KRABD4: variants seen among roughly 807,000 people sequenced by gnomAD.
The protein encoded by KRABD4 is KRAB domain-containing protein 4.
chrX:46,449,984 T>C, the KRABD4 span, among the ~76,000 whole-genome samples: 4 of 111,309 alleles, frequency 3.6e-5, no homozygotes, highest in Admixed American at 2.9e-4. Flanking sequence ...CTCGAACTCC[T>C]GGGCTCCAGT....
At chrX:46,474,445 G>C in the KRABD4 span, 5 of 111,128 alleles carry the variant, frequency 4.5e-5, no homozygotes, top group African/African-American at 1.3e-4. Context: ...CATCCGCTAG[G>C]GATCTTGGAA....
the KRABD4 span, chrX:46,462,433 C>T: frequency 8.0e-6 from 2 of 249,850 alleles, no homozygotes; most frequent in Non-Finnish European, 1.5e-5. Context: ...TCGCTTGAAC[C>T]CGGGAGGCAG....
At chrX:46,447,495 G>T in the KRABD4 span, 40,624 of 109,947 alleles carry the variant, frequency 0.37, 6,497 homozygotes, top group Non-Finnish European at 0.5. Context: ...CCACTTCCCC[G>T]CCTGAGACAG....
At chrX:46,462,712 G>C in the KRABD4 span, 1 of 1,210,888 alleles carries the variant, frequency 8.3e-7, no homozygotes, top group South Asian at 1.8e-5. Context: ...GCCCCAGGCT[G>C]GTCCTGGGGT....
chrX:46,447,525 C>T, the KRABD4 span, among the ~76,000 whole-genome samples: 1 of 111,289 alleles, frequency 9.0e-6, no homozygotes, highest in African/African-American at 3.3e-5. Flanking sequence ...TCTCAGGACC[C>T]TCTGAGCCAG....
chrX:46,461,478 C>T, the KRABD4 span, among the ~76,000 whole-genome samples: 3 of 111,714 alleles, frequency 2.7e-5, no homozygotes, highest in Non-Finnish European at 3.8e-5. Context: ...CCCTCTGGCA[C>T]GCTGGCTTTC....
the KRABD4 span, among the ~76,000 whole-genome samples, chrX:46,461,440 T>G: frequency 3.7e-3 from 411 of 111,566 alleles, 4 homozygotes; most frequent in African/African-American, 0.013. Flanking sequence ...TGAGAAGCCC[T>G]CCTGCTGGAG....
chrX:46,457,105 G>T, the KRABD4 span: 9 of 381,291 alleles, frequency 2.4e-5, no homozygotes, highest in East Asian at 1.1e-4. Context: ...TGGTGACAAA[G>T]AACATATTTC....
chrX:46,447,394 G>T, the KRABD4 span: 1 of 110,160 alleles, frequency 9.1e-6, no homozygotes, highest in Non-Finnish European at 1.9e-5. Context: ...GGCGGGGGTT[G>T]ACGGGGTCGT....
At chrX:46,463,788 TTTTG>T in the KRABD4 span, among the ~76,000 whole-genome samples, 368 of 110,940 alleles carry the variant, frequency 3.3e-3, no homozygotes, top group Middle Eastern at 0.014. Flanking sequence ...TTTGTTTGTT[TTTTG>T]TTTGTTTGTT....
the KRABD4 span, chrX:46,450,607 C>G: frequency 1.9e-6 from 1 of 515,818 alleles, no homozygotes; most frequent in Admixed American, 2.9e-5. Context: ...TTCTCAACCT[C>G]TGGTTTCTCT....
At chrX:46,456,092 C>G in the KRABD4 span, 3 of 327,307 alleles carry the variant, frequency 9.2e-6, no homozygotes, top group Admixed American at 1.0e-4. Context: ...AGGCACGACA[C>G]AGATATAGCT....
the KRABD4 span, among the ~76,000 whole-genome samples, chrX:46,458,241 CATACTTCATATTCT>C: frequency 3.6e-5 from 4 of 112,099 alleles, no homozygotes; most frequent in Non-Finnish European, 7.5e-5. Flanking sequence ...TACCATGTAT[CATACTTCATATTCT>C]TAAACATTAA....
chrX:46,473,300 T>A, the KRABD4 span: 1 of 1,176,758 alleles, frequency 8.5e-7, no homozygotes, highest in Non-Finnish European at 1.1e-6. Context: ...TCAACCCTCA[T>A]AGCACACCAG....
chrX:46,462,739 C>A, the KRABD4 span: 8 of 1,209,204 alleles, frequency 6.6e-6, no homozygotes, highest in African/African-American at 1.1e-4. Flanking sequence ...GAGGAATGTG[C>A]CATTACAGGA....
chrX:46,471,431 G>C, the KRABD4 span, among the ~76,000 whole-genome samples: 1 of 81,215 alleles, frequency 1.2e-5, no homozygotes, highest in South Asian at 8.3e-4. Context: ...TCCCCTAATA[G>C]TAACATCTTG....
At chrX:46,471,873 A>G in the KRABD4 span, among the ~76,000 whole-genome samples, 4 of 112,383 alleles carry the variant, frequency 3.6e-5, no homozygotes, top group Non-Finnish European at 7.5e-5. Flanking sequence ...CTATTGAAGG[A>G]CATCTTGGTT....
the KRABD4 span, among the ~76,000 whole-genome samples, chrX:46,458,514 A>T: frequency 9.1e-3 from 1,017 of 112,258 alleles, 47 homozygotes; most frequent in Admixed American, 0.079. Flanking sequence ...ATACAAAAAG[A>T]TTATAATCCT....
chrX:46,470,997 A>C, the KRABD4 span: 4 of 529,317 alleles, frequency 7.6e-6, no homozygotes, highest in African/African-American at 9.6e-5. Flanking sequence ...GTGTTCTCTG[A>C]ATGTCAATTA....
Sources: gnomAD v4.1 joint callset for allele counts (sites outside exome capture counted in the v4.1 genomes callset) on GRCh38, gnomAD v4.1.1 for gene constraint, MANE v1.5 for transcripts, NCBI Gene and HGNC (gene_info 2026-07-23, HGNC 2026-07-21) for gene names.